The following SNX16 variants were observed in gnomAD, a reference collection of about 807,000 sequenced individuals.
The protein encoded by SNX16 is sorting nexin-16.
A neutral mutation model predicts 36.7 loss-of-function variants in SNX16; 35 were observed. That is an observed-to-expected ratio of 0.95 (90% CI 0.73 to 1.27). SNX16 has a LOEUF of 1.27. SNX16 is among the 50% of genes most tolerant of loss of function. SNX16 has a pLI of 0.00. For synonymous variants in SNX16, 134 were observed against 132.0 expected (o/e 1.02, Z -0.10); for missense variants, 367 against 393.6 (o/e 0.93, Z 0.57).
At chr8:81,804,277 C>CT (rs1432808864) in intron 5 of SNX16, among the ~76,000 whole-genome samples, 1 of 151,884 alleles carries the variant, frequency 6.6e-6, no homozygotes, top group African/African-American at 2.4e-5. Flanking sequence ...AAATTATGTA[C>CT]TTTAAGAAGT....
chr8:81,840,312 C>G (rs1811688083), intron 1 of SNX16: 1 of 208,190 alleles, frequency 4.8e-6, no homozygotes, highest in African/African-American at 2.3e-5. Flanking sequence ...CCTTTTTCCT[C>G]TACTTTATTC....
chr8:81,816,680 G>A (rs376988796), intron 4 of SNX16, among the ~76,000 whole-genome samples: 2 of 152,008 alleles, frequency 1.3e-5, no homozygotes, highest in East Asian at 1.9e-4. Flanking sequence ...TAATTTTCAC[G>A]ACAATCAGGT....
At chr8:81,815,138 C>A in intron 5 of SNX16, 187 bp downstream of exon 5, 2 of 341,138 alleles carry the variant, frequency 5.9e-6, no homozygotes, top group East Asian at 4.3e-5. Context: ...TTTACTTTTT[C>A]ACTGAGCTAA....
chr8:81,821,815 T>A (rs1563444068), intron 4 of SNX16, among the ~76,000 whole-genome samples: 1 of 152,088 alleles, frequency 6.6e-6, no homozygotes, highest in Non-Finnish European at 1.5e-5. Context: ...TTAGATTGGA[T>A]GGTGAATAAA....
chr8:81,829,501 C>A lies in SNX16; in HGVS notation c.391G>T (p.Val131Leu). Residue 131 changes from valine to leucine, a missense_variant, in exon 3 of 8, where the codon GTA becomes TTA. Coordinates refer to ENST00000345957, the MANE Select transcript of SNX16 (RefSeq NM_152836.3). ...RAKFTVYKIL[V>L]KKTPEESWVV... The stretch of plus-strand genomic sequence containing the variant: ...CAGCTTTCTTCTGGGGTTTTCTTTA[C>A]TAGTATTTTATATACCTATGCACAG... The A allele has an allele frequency of 7.1e-7, 1 of 1,401,262 alleles. No homozygotes were observed. Among genetic ancestry groups the A allele is most frequent in the South Asian group, 1.7e-5 (1 of 58,636 alleles). 86.8% of individuals were successfully genotyped at this position (1,401,262 alleles called of 1,614,324 possible).
intron 2 of SNX16, among the ~76,000 whole-genome samples, chr8:81,833,606 C>A (rs1811363279): frequency 6.6e-6 from 1 of 152,088 alleles, no homozygotes; most frequent in African/African-American, 2.4e-5. Flanking sequence ...GATAAAAGTG[C>A]ACTTCATATA....
intron 3 of SNX16, 141 bp from the exon 4 acceptor site, chr8:81,824,081 T>TTG (rs1323079815): frequency 2.6e-6 from 2 of 770,564 alleles, no homozygotes; most frequent in Non-Finnish European, 4.0e-6. Flanking sequence ...TTTTTATGCC[T>TTG]TGTTTTATTT....
At chr8:81,813,963 A>G (rs1024518558) in intron 5 of SNX16, among the ~76,000 whole-genome samples, 1 of 152,196 alleles carries the variant, frequency 6.6e-6, no homozygotes, top group African/African-American at 2.4e-5. Context: ...ACTCTCGTAC[A>G]GTACAAGTGA....
chr8:81,815,886 G>C (rs1328735057), intron 4 of SNX16, among the ~76,000 whole-genome samples: 1 of 152,044 alleles, frequency 6.6e-6, no homozygotes, highest in Non-Finnish European at 1.5e-5. Context: ...ATTTTCCCTA[G>C]ATAGTTCGAG....
At chr8:81,830,921 T>C (rs1044407163) in intron 2 of SNX16, among the ~76,000 whole-genome samples, 1 of 152,056 alleles carries the variant, frequency 6.6e-6, no homozygotes, top group Non-Finnish European at 1.5e-5. Context: ...TACAGACATA[T>C]AAACCAATGG....
At position 81,799,583 on chromosome 8, in the gene SNX16, T is replaced by C. The variant is rs956683984; in HGVS notation, c.*1914A>G. On this transcript the variant is annotated 3_prime_UTR_variant, in exon 8 of 8. Coordinates refer to ENST00000345957, the MANE Select transcript of SNX16 (RefSeq NM_152836.3). ...CAACATATGAACAACACAGCTACTG[T>C]TGTAGTGAAAAAATAATTTATTAAA... is the stretch of plus-strand genomic sequence containing the variant. The C allele has an allele frequency of 2.0e-5, 3 of 152,048 alleles. No homozygotes were observed. Among genetic ancestry groups the C allele is most frequent in the Admixed American group, 1.3e-4 (2 of 15,278 alleles). 9.4% of individuals were successfully genotyped at this position (152,048 alleles called of 1,614,324 possible).
rs765244751 is a variant in SNX16, at chr8:81,839,978, A to G, written c.9T>C (p.Thr3=). 5 of 1,600,298 alleles carry G rather than the reference A, an allele frequency of 3.1e-6. No homozygotes were observed. The highest frequency in any genetic ancestry group is 2.2e-5 in the East Asian group (1 of 44,724). The part of the protein sequence containing the change: MA[T]PYVPVPMPIG... ...TGGGCATAGGAACTGGGACATAAGG[A>G]GTTGCCATCTTCTTTTGGCTTTTCC... is the stretch of plus-strand genomic sequence containing the variant. The change falls in exon 2 of 8, where the codon ACT becomes ACC. Residue 3 remains threonine, a synonymous_variant. Coordinates refer to ENST00000345957, the MANE Select transcript of SNX16 (RefSeq NM_152836.3).
chr8:81,808,218 C>A, intron 5 of SNX16: 2 of 1,312,186 alleles, frequency 1.5e-6, no homozygotes, highest in African/African-American at 2.9e-5. Context: ...GGGGCTTTGC[C>A]TTTGTAACCT....
At chr8:81,827,315 G>C (rs1811062694) in intron 3 of SNX16, among the ~76,000 whole-genome samples, 1 of 151,348 alleles carries the variant, frequency 6.6e-6, no homozygotes, top group African/African-American at 2.4e-5. Flanking sequence ...AAAAATAATG[G>C]ATTTTTTTTC....
intron 4 of SNX16, 81 bp downstream of exon 4, chr8:81,823,711 A>G: frequency 7.9e-7 from 1 of 1,267,264 alleles, no homozygotes; most frequent in Non-Finnish European, 1.1e-6. Flanking sequence ...TGCTTAAATA[A>G]CTATGATCAT....
intron 4 of SNX16, chr8:81,815,771 GTTT>G (rs994634001): frequency 1.8e-5 from 3 of 162,854 alleles, no homozygotes; most frequent in African/African-American, 7.2e-5. Flanking sequence ...TACCTCACTT[GTTT>G]TTGTTTCAGT....
Position 81,823,957 on chromosome 8 carries a change from G to C in SNX16, c.463-17C>G. Reference sequence around the variant, plus strand: ...CTCTTTTAACTGAAAAAGAAGAAAAGAGCAAATACAATGTTTAACTCAAGC... The same window carrying C: ...CTCTTTTAACTGAAAAAGAAGAAAACAGCAAATACAATGTTTAACTCAAGC... On this transcript the variant is annotated splice_polypyrimidine_tract_variant and intron_variant, in intron 3 of 7. Coordinates refer to ENST00000345957, the MANE Select transcript of SNX16 (RefSeq NM_152836.3). The C allele has an allele frequency of 6.3e-7, 1 of 1,599,656 alleles. No homozygotes were observed. The highest frequency in any genetic ancestry group is 8.5e-7 in the Non-Finnish European group (1 of 1,175,236).
intron 2 of SNX16, among the ~76,000 whole-genome samples, chr8:81,835,949 C>G (rs1246306524): frequency 6.6e-6 from 1 of 152,192 alleles, no homozygotes; most frequent in East Asian, 1.9e-4. Flanking sequence ...TGCCCCTTGT[C>G]CCTCATCTGA....
At chr8:81,841,813 C>G (rs1811794653) in intron 1 of SNX16, 1 of 152,264 alleles carries the variant, frequency 6.6e-6, no homozygotes, top group African/African-American at 2.4e-5. Flanking sequence ...AAATACCAGG[C>G]ACAGTTCGAC....
Sources: gnomAD v4.1 joint callset for allele counts (sites outside exome capture counted in the v4.1 genomes callset) on GRCh38, gnomAD v4.1.1 for gene constraint, MANE v1.5 for transcripts, NCBI Gene and HGNC (gene_info 2026-07-23, HGNC 2026-07-21) for gene names.